CADM2: variants seen among roughly 807,000 people sequenced by gnomAD.
The protein encoded by CADM2 is immunoglobulin superfamily member 4D.
A neutral mutation model predicts 49.8 loss-of-function variants in CADM2; 12 were observed. That is an observed-to-expected ratio of 0.24 (90% CI 0.15 to 0.39). The LOEUF is 0.39. Ranked by LOEUF, CADM2 falls within the 10% of genes least tolerant of loss-of-function variation. The probability of loss-of-function intolerance (pLI) is 1.00; values close to 1 mark genes in which losing one functional copy is unlikely to be tolerated. For synonymous variants in CADM2, 214 were observed against 175.4 expected (o/e 1.22, Z -1.74); for missense variants, 378 against 492.3 (o/e 0.77, Z 2.20).
At chr3:85,466,240 G>A (rs184684579) in intron 1 of CADM2, among the ~76,000 whole-genome samples, 125 of 152,130 alleles carry the variant, frequency 8.2e-4, no homozygotes, top group Admixed American at 2.1e-3. Flanking sequence ...ATATATTAAG[G>A]CTTAATGAAC....
At chr3:85,314,140 G>A (rs111731541) in intron 1 of CADM2, among the ~76,000 whole-genome samples, 14,611 of 152,060 alleles carry the variant, frequency 0.096, 1,445 homozygotes, top group African/African-American at 0.26. Flanking sequence ...TGCCCACCTC[G>A]GCCTCCCAAA....
intron 1 of CADM2, among the ~76,000 whole-genome samples, chr3:85,002,782 T>G (rs964902749): frequency 5.3e-5 from 8 of 151,988 alleles, no homozygotes; most frequent in Admixed American, 2.0e-4. Context: ...TTCTTTCTTT[T>G]TTTCTTTGTT....
At chr3:85,080,790 AT>A (rs1293378017) in intron 1 of CADM2, among the ~76,000 whole-genome samples, 3 of 151,928 alleles carry the variant, frequency 2.0e-5, no homozygotes, top group Non-Finnish European at 2.9e-5. Flanking sequence ...GTCCTATATT[AT>A]TTTTTTCAAG....
chr3:85,253,022 A>G (rs1377266206), intron 1 of CADM2, among the ~76,000 whole-genome samples: 2 of 152,138 alleles, frequency 1.3e-5, no homozygotes, highest in African/African-American at 4.8e-5. Context: ...TAATGATTAC[A>G]GTAAGTCTTC....
intron 1 of CADM2, among the ~76,000 whole-genome samples, chr3:85,374,763 C>G (rs2107332207): frequency 6.6e-6 from 1 of 152,136 alleles, no homozygotes; most frequent in South Asian, 2.1e-4. Context: ...TTTTATAAAA[C>G]CATCAGATCT....
intron 1 of CADM2, among the ~76,000 whole-genome samples, chr3:85,608,696 C>T (rs1292819140): frequency 1.3e-5 from 2 of 152,134 alleles, no homozygotes; most frequent in East Asian, 1.9e-4. Context: ...ACTAATTATA[C>T]ACTGTAGAAT....
chr3:85,100,897 T>A (rs546494971), intron 1 of CADM2, among the ~76,000 whole-genome samples: 2 of 152,308 alleles, frequency 1.3e-5, no homozygotes, highest in East Asian at 3.9e-4. Context: ...GATAGTCTTT[T>A]GTCATGTGCA....
At chr3:85,712,553 CTT>C (rs1277924884) in intron 1 of CADM2, among the ~76,000 whole-genome samples, 1 of 152,140 alleles carries the variant, frequency 6.6e-6, no homozygotes, top group Non-Finnish European at 1.5e-5. Context: ...AAACTGAACA[CTT>C]AAGACCTTTT....
intron 1 of CADM2, among the ~76,000 whole-genome samples, chr3:85,232,593 A>T (rs2042319527): frequency 6.6e-6 from 1 of 152,176 alleles, no homozygotes; most frequent in Non-Finnish European, 1.5e-5. Flanking sequence ...CAAACAACCC[A>T]ATTAAAAATG....
intron 1 of CADM2, among the ~76,000 whole-genome samples, chr3:85,347,600 T>C (rs185151186): frequency 0.47 from 60,898 of 128,618 alleles, 14,890 homozygotes; most frequent in East Asian, 0.77. Flanking sequence ...TATATATACA[T>C]ATATATAAAA....
chr3:85,523,239 C>T (rs905913392), intron 1 of CADM2, among the ~76,000 whole-genome samples: 1 of 152,046 alleles, frequency 6.6e-6, no homozygotes, highest in African/African-American at 2.4e-5. Flanking sequence ...AGTGGCAAAA[C>T]ACATTTCTGT....
chr3:85,928,817 T>G (rs992661015), intron 6 of CADM2, among the ~76,000 whole-genome samples: 1 of 152,070 alleles, frequency 6.6e-6, no homozygotes, highest in Non-Finnish European at 1.5e-5. Flanking sequence ...CTTAAAGAGC[T>G]CTTACAATTT....
At chr3:85,460,837 T>A (rs2038212370) in intron 1 of CADM2, among the ~76,000 whole-genome samples, 1 of 152,026 alleles carries the variant, frequency 6.6e-6, no homozygotes, top group African/African-American at 2.4e-5. Context: ...TTGCTTTTAA[T>A]GTATTTGCCC....
chr3:85,471,489 AGCAATCTGT>A (rs1290769540), intron 1 of CADM2, among the ~76,000 whole-genome samples: 2 of 152,106 alleles, frequency 1.3e-5, no homozygotes, highest in Admixed American at 1.3e-4. Context: ...GTGGACCATA[AGCAATCTGT>A]GCCAAAGACT....
chr3:85,496,653 C>T (rs1244000655), intron 1 of CADM2, among the ~76,000 whole-genome samples: 1 of 152,064 alleles, frequency 6.6e-6, no homozygotes, highest in Non-Finnish European at 1.5e-5. Flanking sequence ...ATTTGCAGTC[C>T]CACCAACAGC....
At chr3:85,946,741 A>G (rs1036635499) in intron 7 of CADM2, among the ~76,000 whole-genome samples, 3 of 152,196 alleles carry the variant, frequency 2.0e-5, no homozygotes, top group African/African-American at 4.8e-5. Context: ...CTGGCTAGCC[A>G]TATGTAGAAA....
chr3:85,167,002 A>G (rs1052726793), intron 1 of CADM2, among the ~76,000 whole-genome samples: 4 of 152,122 alleles, frequency 2.6e-5, no homozygotes, highest in African/African-American at 7.2e-5. Context: ...ACTGCTGTTA[A>G]GGCATATGCC....
chr3:85,056,971 G>T (rs534979311), intron 1 of CADM2, among the ~76,000 whole-genome samples: 1 of 152,176 alleles, frequency 6.6e-6, no homozygotes, highest in South Asian at 2.1e-4. Flanking sequence ...CGGTGTGAGG[G>T]TAATCCTCAG....
Position 85,912,522 on chromosome 3 carries a change from A to T in CADM2, c.679A>T (p.Met227Leu). The T allele has an allele frequency of 6.2e-7, 1 of 1,613,722 alleles. No individual in the cohort carries two copies. Among genetic ancestry groups the T allele is most frequent in the Non-Finnish European group, 8.5e-7 (1 of 1,179,800 alleles). The part of the protein sequence containing the change: ...ESLNATPQVA[M>L]QVLEIHYTPS... ...CCTCAATGCCACCCCTCAGGTAGCC[A>T]TGCAGGTGCTAGAAATACACTGTAA... Residue 227 changes from methionine (M) to leucine (L), a missense_variant, in exon 6 of 10, where the codon ATG becomes TTG. Coordinates refer to ENST00000383699, the MANE Select transcript of CADM2 (RefSeq NM_001167675.2).
Sources: gnomAD v4.1 joint callset for allele counts (sites outside exome capture counted in the v4.1 genomes callset) on GRCh38, gnomAD v4.1.1 for gene constraint, MANE v1.5 for transcripts, NCBI Gene and HGNC (gene_info 2026-07-23, HGNC 2026-07-21) for gene names.